Variants in SDHA observed in about 807,000 individuals in gnomAD.
The protein encoded by SDHA is succinate dehydrogenase [ubiquinone] flavoprotein subunit, mitochondrial.
Under a neutral mutation model 78.4 loss-of-function variants are expected in SDHA, and 48 were observed. The ratio of observed to expected loss-of-function variants is 0.61; its 90% CI spans 0.49 to 0.78. The LOEUF (loss-of-function observed/expected upper bound fraction) is 0.78, where lower values mean the gene tolerates loss of function less well. Among genes scored for constraint, SDHA ranks in the 30% least tolerant of loss-of-function variants. The pLI is 0.00. For synonymous variants in SDHA, 326 were observed against 353.9 expected, an observed-to-expected ratio of 0.92 and a Z score of 0.88; for missense variants, 680 against 892.7, an observed-to-expected ratio of 0.76 and a Z score of 3.04.
chr5:263,251 A>C, the SDHA span, among the ~76,000 whole-genome samples: 1 of 152,054 alleles, frequency 6.6e-6, no homozygotes, highest in African/African-American at 2.4e-5. Context: ...TTTTCCTAAG[A>C]CAAGGCAGGT....
At chr5:254,805 A>G (rs1327421264) in intron 14 of SDHA, among the ~76,000 whole-genome samples, 2 of 151,872 alleles carry the variant, frequency 1.3e-5, no homozygotes, top group Non-Finnish European at 2.9e-5. Context: ...AGGGGAGGAG[A>G]TGATGATTGT....
rs1172045278 is a variant in SDHA, at chr5:257,022, C to CTCAAACTCCTGGGA, written c.*606_*607insACTCCTGGGATCAA. Among the ~76,000 whole-genome samples the CTCAAACTCCTGGGA allele has an allele frequency of 1.1e-5, 1 of 92,816 alleles. No individual in the cohort carries two copies. Among genetic ancestry groups the CTCAAACTCCTGGGA allele is most frequent in the Non-Finnish European group, 1.9e-5 (1 of 52,258 alleles). 60.9% of individuals were successfully genotyped at this position (92,816 alleles called of 152,430 possible). A position where few individuals can be genotyped will look rare whatever the true frequency, so the allele number is the denominator to read the frequency against. Reference sequence around the variant, plus strand: ...GTCTCACTGTGTTGCCTAGGCTGGTCTCAAGTGATCCTCCCTCCTTGGCCT... The same window carrying CTCAAACTCCTGGGA: ...GTCTCACTGTGTTGCCTAGGCTGGTCTCAAACTCCTGGGATCAAGTGATCCTCCCTCCTTGGCCT... On this transcript the variant is annotated 3_prime_UTR_variant, in exon 15 of 15. Coordinates refer to ENST00000264932, the MANE Select transcript of SDHA (RefSeq NM_004168.4).
rs748175384 is a variant in SDHA, at chr5:225,578, C to T, written c.456+16C>T. On this transcript the variant is annotated intron_variant, in intron 4 of 14. Transcript: ENST00000264932. ...CGTGGTCGAGGTGATGGGCGGGAGGCTCTGGGTGTTCTCGTGGTCTGTTTC... is the reference window on the plus strand; with the variant it reads ...CGTGGTCGAGGTGATGGGCGGGAGGTTCTGGGTGTTCTCGTGGTCTGTTTC... 4.3e-6 allele frequency: 7 copies of T among 1,613,830 alleles called. No homozygotes were observed. The highest frequency in any genetic ancestry group is 3.3e-5 in the South Asian group (3 of 91,068).
chr5:226,245 G>A (rs1338406207), intron 5 of SDHA, among the ~76,000 whole-genome samples, 198 bp downstream of exon 5: 1 of 152,210 alleles, frequency 6.6e-6, no homozygotes, highest in Admixed American at 6.5e-5. Context: ...CCCTAAGGCA[G>A]TGTGTGACTT....
At chr5:222,370 CGTT>C (rs1203156157) in intron 1 of SDHA, among the ~76,000 whole-genome samples, 18 of 136,150 alleles carry the variant, frequency 1.3e-4, no homozygotes, top group Middle Eastern at 3.9e-3. Context: ...TTTTTGGAGA[CGTT>C]GTCTCTCTCT....
chr5:259,061 C>T (rs1416206805), downstream of SDHA, among the ~76,000 whole-genome samples: 1 of 60,330 alleles, frequency 1.7e-5, no homozygotes, highest in East Asian at 3.2e-4. Context: ...CCCGCCACAG[C>T]ATTACCGTGT....
At chr5:219,331 G>A (rs148397900) in intron 1 of SDHA, among the ~76,000 whole-genome samples, 74 of 152,302 alleles carry the variant, frequency 4.9e-4, no homozygotes, top group African/African-American at 6.7e-4. Context: ...GCCTTCTAGG[G>A]TTTTATTTAA....
chr5:240,085 A>G (rs957238667), intron 10 of SDHA, among the ~76,000 whole-genome samples: 2 of 152,166 alleles, frequency 1.3e-5, no homozygotes, highest in Admixed American at 6.5e-5. Flanking sequence ...TAATTTTTTA[A>G]TTTTAGAGAT....
chr5:234,583 C>T (rs1351351260), intron 8 of SDHA: 1 of 158,592 alleles, frequency 6.3e-6, no homozygotes, highest in African/African-American at 2.4e-5. Flanking sequence ...TGTCATTGTT[C>T]CCTTAACAAT....
intron 6 of SDHA, among the ~76,000 whole-genome samples, chr5:228,908 A>G (rs1256634944): frequency 6.6e-6 from 1 of 152,112 alleles, no homozygotes; most frequent in Non-Finnish European, 1.5e-5. Flanking sequence ...ACTAAAAACA[A>G]CCTACTAAAC....
chr5:263,055 T>G, the SDHA span, among the ~76,000 whole-genome samples: 1 of 152,090 alleles, frequency 6.6e-6, no homozygotes, highest in Non-Finnish European at 1.5e-5. Context: ...TCCTCCCACC[T>G]CAGCCTCCCA....
chr5:258,643 C>CCTCCTGT (rs1737368137), downstream of SDHA, among the ~76,000 whole-genome samples: 1 of 48,148 alleles, frequency 2.1e-5, no homozygotes, highest in Non-Finnish European at 3.9e-5. Flanking sequence ...CCGCCTCCCG[C>CCTCCTGT]CAGAGCATTA....
intron 11 of SDHA, among the ~76,000 whole-genome samples, chr5:242,320 A>G (rs895986805): frequency 3.9e-5 from 6 of 152,262 alleles, no homozygotes; most frequent in Non-Finnish European, 5.9e-5. Context: ...GAATGAGGGC[A>G]AGGGACACCT....
In SDHA at chr5:236,451, G is replaced by A. The variant is rs1735782951; in HGVS notation, c.1284G>A (p.Gln428=). 1.2e-6 allele frequency: 2 copies of A among 1,613,866 alleles called. No homozygotes were observed. The highest frequency in any genetic ancestry group is 1.1e-5 in the South Asian group (1 of 91,084). The stretch of plus-strand genomic sequence containing the variant: ...AGGTCCTGAGGCACGTGAATGGCCA[G>A]GATCAGATTGTGCCCGGCCTGTACG... ...KGQVLRHVNG[Q]DQIVPGLYAC... The change falls in exon 10 of 15, where the codon CAG becomes CAA. Residue 428 remains glutamine, a synonymous_variant. Transcript: ENST00000264932.
intron 11 of SDHA, among the ~76,000 whole-genome samples, chr5:240,921 C>T (rs755508776): frequency 2.6e-5 from 4 of 151,890 alleles, no homozygotes; most frequent in East Asian, 1.9e-4. Flanking sequence ...TCTGGTCATC[C>T]GTTGATGGGC....
In SDHA at chr5:228,330, C is replaced by T. The variant is rs2126559328; in HGVS notation, c.767C>T (p.Thr256Ile). ...AGAGCAAAGAACACTGTTGTTGCCA[C>T]AGGGTAGGAATCTCATTTCTACTTT... ...RIRAKNTVVA[T>I]GGYGRTYFSC... Residue 256 changes from threonine (T) to isoleucine (I), a missense_variant, in exon 6 of 15, where the codon ACA (threonine) becomes ATA (isoleucine). Thr to Ile is a moderately conservative substitution (Grantham distance 89). Coordinates refer to ENST00000264932, the MANE Select transcript of SDHA (RefSeq NM_004168.4). 6.2e-7 allele frequency: 1 copy of T among 1,613,680 alleles called. No homozygotes were observed. Among genetic ancestry groups the T allele is most frequent in the Non-Finnish European group, 8.5e-7 (1 of 1,179,622 alleles).
chr5:249,225 T>C (rs1459997451), intron 11 of SDHA: 6 of 320,126 alleles, frequency 1.9e-5, no homozygotes, highest in Non-Finnish European at 2.4e-5. Context: ...CTGTGTTATT[T>C]GTATAGTCTG....
chr5:230,239 TG>T (rs1735309370), intron 6 of SDHA, among the ~76,000 whole-genome samples: 1 of 152,106 alleles, frequency 6.6e-6, no homozygotes, highest in African/African-American at 2.4e-5. Flanking sequence ...TCAGTAAATC[TG>T]GGGGAGAAAA....
chr5:260,059 C>T (rs1223549157), downstream of SDHA, among the ~76,000 whole-genome samples: 1 of 38,270 alleles, frequency 2.6e-5, no homozygotes, highest in Non-Finnish European at 4.5e-5. Flanking sequence ...AGAGCATTAC[C>T]GTGTGAGCTC....
Sources: allele counts gnomAD v4.1 joint callset (sites outside exome capture counted in the v4.1 genomes callset), GRCh38; gene constraint gnomAD v4.1.1; transcripts MANE v1.5; gene names NCBI Gene and HGNC (gene_info 2026-07-23, HGNC 2026-07-21).